ZNF107: variants seen among roughly 807,000 people sequenced by gnomAD.
ZNF107 encodes zinc finger protein 107.
In ZNF107, 19 loss-of-function variants were observed where a neutral mutation model predicts 12.3. The ratio of observed to expected loss-of-function variants is 1.55; its 90% CI spans 1.08 to 2.27. ZNF107 has a LOEUF of 2.27. Among genes scored for constraint, ZNF107 ranks in the 30% most tolerant of loss-of-function variants. The probability of loss-of-function intolerance (pLI) is 0.00; values close to 1 mark genes in which losing one functional copy is unlikely to be tolerated. For synonymous variants in ZNF107, 317 were observed against 330.5 expected (o/e 0.96, Z 0.44); for missense variants, 958 against 979.9 (o/e 0.98, Z 0.30).
In ZNF107 at chr7:64,706,862, A is replaced by C. The variant is rs555346984; in HGVS notation, c.765A>C (p.Lys255Asn). The C allele has an allele frequency of 6.2e-7, 1 of 1,613,484 alleles. No individual in the cohort carries two copies. The highest frequency in any genetic ancestry group is 1.3e-5 in the African/African-American group (1 of 74,998). Residue 255 changes from lysine (K) to asparagine (N), a missense_variant, in exon 4 of 4, where the codon AAA becomes AAC. Lys to Asn is a moderately conservative substitution (Grantham distance 94). Transcript: ENST00000620827. Reference sequence around the variant, plus strand: ...ATAAGATAATTCATACTGAAGAGAAACCCAACAAATGTGAAGAATGTGGCA... The same window carrying C: ...ATAAGATAATTCATACTGAAGAGAACCCCAACAAATGTGAAGAATGTGGCA... ...TRHKIIHTEE[K>N]PNKCEECGKA... is the part of the protein sequence containing the mutation.
chr7:64,667,214 A>C (rs917471553), intron 1 of ZNF107, among the ~76,000 whole-genome samples: 2 of 152,156 alleles, frequency 1.3e-5, no homozygotes, highest in African/African-American at 4.8e-5. Context: ...TAAAATGCTA[A>C]ATTTCCAGTT....
intron 1 of ZNF107, among the ~76,000 whole-genome samples, chr7:64,680,282 A>G (rs1219376546): frequency 1.3e-5 from 2 of 152,126 alleles, no homozygotes; most frequent in Non-Finnish European, 2.9e-5. Context: ...ATAAGACTCC[A>G]CTAAATATAT....
intron 1 of ZNF107, among the ~76,000 whole-genome samples, chr7:64,672,715 G>C (rs537512793): frequency 6.6e-6 from 1 of 152,082 alleles, no homozygotes; most frequent in Non-Finnish European, 1.5e-5. Flanking sequence ...GGTTGATTCC[G>C]TATCTTTGCT....
chr7:64,705,375 A>AT (rs1413719352), intron 3 of ZNF107, among the ~76,000 whole-genome samples: 1 of 149,236 alleles, frequency 6.7e-6, no homozygotes, highest in Non-Finnish European at 1.5e-5. Context: ...CATTTTTCTG[A>AT]TTTTCAATAG....
chr7:64,688,256 TC>T, intron 1 of ZNF107, among the ~76,000 whole-genome samples: 1 of 115,758 alleles, frequency 8.6e-6, no homozygotes, highest in African/African-American at 3.0e-5. Flanking sequence ...CCCTTCCTCC[TC>T]TTTTTTTTTT....
chr7:64,667,866 C>G (rs145604227), intron 1 of ZNF107, among the ~76,000 whole-genome samples: 2 of 151,052 alleles, frequency 1.3e-5, no homozygotes, highest in African/African-American at 4.9e-5. Flanking sequence ...CAATCAGATG[C>G]TGGTATTGAG....
intron 1 of ZNF107, among the ~76,000 whole-genome samples, chr7:64,686,081 T>G (rs1789895898): frequency 6.6e-6 from 1 of 152,076 alleles, no homozygotes; most frequent in African/African-American, 2.4e-5. Context: ...TTAGCAGCAG[T>G]AACTCTGCAG....
chr7:64,679,468 C>A, intron 1 of ZNF107: 2 of 653,390 alleles, frequency 3.1e-6, no homozygotes, highest in Non-Finnish European at 3.8e-6. Context: ...GGTGACTGGT[C>A]AACCACAGGG....
Position 64,706,904 on chromosome 7 carries a change from C to T in ZNF107, c.807C>T (p.Ala269=), listed in dbSNP as rs773810648. 10 of 1,612,618 alleles carry T rather than the reference C, an allele frequency of 6.2e-6. No individual in the cohort carries two copies. In the East Asian group the frequency reaches 2.0e-4, roughly 32 times the overall value. Residue 269 remains alanine (A), a synonymous_variant, in exon 4 of 4, where the codon GCC becomes GCT. Transcript: ENST00000620827. ...CEECGKAFKQ[A]SHLTIHKIIH... Reference sequence around the variant, plus strand: ...AATGTGGCAAGGCCTTTAAACAGGCCTCACACCTTACTATACATAAAATAA... The same window carrying T: ...AATGTGGCAAGGCCTTTAAACAGGCTTCACACCTTACTATACATAAAATAA...
At position 64,708,806 on chromosome 7, in the gene ZNF107, ATG is replaced by A; in HGVS notation, c.*153_*154del. On this transcript the variant is annotated 3_prime_UTR_variant, in exon 4 of 4. Coordinates refer to ENST00000620827, the MANE Select transcript of ZNF107 (RefSeq NM_001282359.2). ...GGTGAGAAACCTTACAATGTAAAGA[ATG>A]TGGCACAGCTTTTAACTAATCTTCA... 1 of 791,920 alleles carries A rather than the reference ATG, an allele frequency of 1.3e-6. No individual in the cohort carries two copies. Among genetic ancestry groups the A allele is most frequent in the South Asian group, 1.9e-5 (1 of 51,594 alleles). 49.1% of individuals were successfully genotyped at this position (791,920 alleles called of 1,614,324 possible). A position where few individuals can be genotyped will look rare whatever the true frequency, so the allele number is the denominator to read the frequency against.
chr7:64,677,224 T>A (rs1789447497), intron 1 of ZNF107, among the ~76,000 whole-genome samples: 1 of 151,504 alleles, frequency 6.6e-6, no homozygotes, highest in Non-Finnish European at 1.5e-5. Context: ...CAGGCTGGAG[T>A]GCAGTGGCAT....
At chr7:64,694,319 T>C (rs1398464027) in intron 3 of ZNF107, among the ~76,000 whole-genome samples, 1 of 152,140 alleles carries the variant, frequency 6.6e-6, no homozygotes, top group East Asian at 1.9e-4. Flanking sequence ...TGGGACCAAG[T>C]TGGGAGGGCC....
intron 1 of ZNF107, among the ~76,000 whole-genome samples, chr7:64,680,082 A>G (rs1046807391): frequency 3.3e-5 from 5 of 151,552 alleles, no homozygotes; most frequent in Middle Eastern, 3.2e-3. Context: ...ATGCCTCCCT[A>G]TATCCCTTCT....
chr7:64,670,185 G>A (rs9638384), intron 1 of ZNF107, among the ~76,000 whole-genome samples: 7,148 of 152,114 alleles, frequency 0.047, 452 homozygotes, highest in African/African-American at 0.14. Context: ...TAAGGTTTCT[G>A]TAAAAAAAAT....
chr7:64,688,942 A>G (rs10253247), intron 1 of ZNF107, among the ~76,000 whole-genome samples: 5,684 of 152,108 alleles, frequency 0.037, 359 homozygotes, highest in African/African-American at 0.13. Context: ...CTGACAAACA[A>G]CTTTGTATCA....
At chr7:64,685,343 T>C (rs1789863459) in intron 1 of ZNF107, among the ~76,000 whole-genome samples, 1 of 152,020 alleles carries the variant, frequency 6.6e-6, no homozygotes, top group Non-Finnish European at 1.5e-5. Context: ...AACTTCCAGG[T>C]CTCCCAAACA....
chr7:64,683,496 C>T (rs1002996668), intron 1 of ZNF107, among the ~76,000 whole-genome samples: 6 of 152,224 alleles, frequency 3.9e-5, no homozygotes, highest in Non-Finnish European at 7.3e-5. Context: ...ATTATCCCTA[C>T]CTACTACTCT....
In ZNF107 at chr7:64,711,240, TAAAG is replaced by T. The variant is rs1790877789; in HGVS notation, c.*2587_*2590del. 2.0e-5 allele frequency: 3 copies of T among 152,328 alleles called. No homozygotes were observed. Among genetic ancestry groups the T allele is most frequent in the African/African-American group, 7.2e-5 (3 of 41,596 alleles). The allele number at this position is 152,328 out of a possible 1,614,324, so 9.4% of individuals were successfully genotyped here. The stretch of plus-strand genomic sequence containing the variant: ...TTTGCTAGTGACTTTAAACTGCTAA[TAAAG>T]AATATTGTTCCCATAGGTTAGATTT... On this transcript the variant is annotated 3_prime_UTR_variant, in exon 4 of 4. Transcript: ENST00000620827.
intron 3 of ZNF107, among the ~76,000 whole-genome samples, chr7:64,705,752 G>A (rs1364277458): frequency 6.7e-6 from 1 of 148,976 alleles, no homozygotes; most frequent in African/African-American, 2.5e-5. Context: ...TTGATAGTCG[G>A]TAATCACTTG....
Sources: allele counts gnomAD v4.1 joint callset (sites outside exome capture counted in the v4.1 genomes callset), GRCh38; gene constraint gnomAD v4.1.1; transcripts MANE v1.5; gene names NCBI Gene and HGNC (gene_info 2026-07-23, HGNC 2026-07-21).